SLIT3: variants seen among roughly 807,000 people sequenced by gnomAD.
SLIT3 encodes the protein slit homolog 3 protein.
Under a neutral mutation model 184.0 loss-of-function variants are expected in SLIT3, and 68 were observed. That is an observed-to-expected ratio of 0.37 (90% confidence interval 0.30 to 0.45). The LOEUF is 0.45. Among genes scored for constraint, SLIT3 ranks in the 20% least tolerant of loss-of-function variants. The probability of loss-of-function intolerance (pLI) is 1.00; values close to 1 mark genes in which losing one functional copy is unlikely to be tolerated. For synonymous variants in SLIT3, 831 were observed against 828.6 expected, an observed-to-expected ratio of 1.00 and a Z score of -0.05; for missense variants, 1,707 against 2,026.0, an observed-to-expected ratio of 0.84 and a Z score of 3.02.
chr5:169,062,165 C>T (rs1364938020), intron 4 of SLIT3, among the ~76,000 whole-genome samples: 1 of 152,054 alleles, frequency 6.6e-6, no homozygotes, highest in Non-Finnish European at 1.5e-5. Context: ...GCCTGGGCGA[C>T]AGAGCGAGAC....
At position 168,748,325 on chromosome 5, in the gene SLIT3, G is replaced by T; in HGVS notation, c.2247C>A (p.Gly749=). 6.7e-7 allele frequency: 1 copy of T among 1,483,858 alleles called. No homozygotes were observed. The highest frequency in any genetic ancestry group is 8.9e-7 in the Non-Finnish European group (1 of 1,121,470). 91.9% of individuals were successfully genotyped at this position (1,483,858 alleles called of 1,614,324 possible). A position where few individuals can be genotyped will look rare whatever the true frequency, so the allele number is the denominator to read the frequency against. ...SNKGLRALPR[G]MPKDVTELYL... ...ACAGCTCGGTCACATCCTTGGGCAT[G>T]CCTCTGGGGAGGGCGCGGAGCCCCT... Residue 749 remains glycine (G), a synonymous_variant, in exon 20 of 36, where the codon GGC becomes GGA. Coordinates refer to ENST00000519560, the MANE Select transcript of SLIT3 (RefSeq NM_003062.4).
chr5:169,201,936 C>T (rs956379642), intron 3 of SLIT3, among the ~76,000 whole-genome samples: 2 of 152,342 alleles, frequency 1.3e-5, no homozygotes, highest in South Asian at 2.1e-4. Context: ...CAAAACAGCA[C>T]AGATCTCTTT....
At chr5:168,777,133 A>G (rs1231890835) in intron 12 of SLIT3, among the ~76,000 whole-genome samples, 1 of 151,110 alleles carries the variant, frequency 6.6e-6, no homozygotes, top group Non-Finnish European at 1.5e-5. Context: ...CACCACATCA[A>G]ATTTCTATTT....
chr5:169,201,880 G>T (rs1480869376), intron 3 of SLIT3, among the ~76,000 whole-genome samples: 1 of 152,192 alleles, frequency 6.6e-6, no homozygotes, highest in African/African-American at 2.4e-5. Context: ...GGAACACTTG[G>T]ATATTTTGTT....
At position 169,300,581 on chromosome 5, in the gene SLIT3, G is replaced by A; in HGVS notation, c.129C>T (p.Ala43=). 6.6e-7 allele frequency: 1 copy of A among 1,514,136 alleles called. No homozygotes were observed. The highest frequency in any genetic ancestry group is 8.8e-7 in the Non-Finnish European group (1 of 1,135,152). The allele number at this position is 1,514,136 out of a possible 1,614,324, so 93.8% of individuals were successfully genotyped here. A position where few individuals can be genotyped will look rare whatever the true frequency, so the allele number is the denominator to read the frequency against. The change falls in exon 1 of 36, where the codon GCC becomes GCT. Residue 43 remains alanine, a synonymous_variant. Coordinates refer to ENST00000519560, the MANE Select transcript of SLIT3 (RefSeq NM_003062.4). This position sits in a 1 kb window ranked among gnomAD's most constrained non-coding sequence, Gnocchi z 4.1. ...ACPTKCTCSA[A]SVDCHGLGLR... ...GGCCCAGCCCGTGGCAGTCCACGCT[G>A]GCAGCGGAGCAGGTACACTTGGTGG...
chr5:168,738,746 G>A (rs1450669669), intron 20 of SLIT3, among the ~76,000 whole-genome samples: 2 of 152,104 alleles, frequency 1.3e-5, no homozygotes, highest in Non-Finnish European at 2.9e-5. Flanking sequence ...AGACCATCCT[G>A]GCTAATACGG....
chr5:168,780,205 T>C (rs1755921722), intron 12 of SLIT3, among the ~76,000 whole-genome samples: 2 of 152,266 alleles, frequency 1.3e-5, no homozygotes, highest in South Asian at 4.1e-4. Context: ...CTCCCACTTC[T>C]ATGGTATTTG....
At chr5:169,291,415 A>C (rs2113660737) in intron 1 of SLIT3, among the ~76,000 whole-genome samples, 1 of 152,280 alleles carries the variant, frequency 6.6e-6, no homozygotes, top group South Asian at 2.1e-4. Context: ...TAAGATTTGG[A>C]TTCTGTTCTA....
At chr5:168,945,536 C>T (rs1762448033) in intron 4 of SLIT3, among the ~76,000 whole-genome samples, 1 of 152,200 alleles carries the variant, frequency 6.6e-6, no homozygotes, top group East Asian at 1.9e-4. Context: ...ACGCCCGGCC[C>T]AGTATCCGGT....
At chr5:168,759,075 TC>T (rs1254919470) in intron 16 of SLIT3, among the ~76,000 whole-genome samples, 2 of 152,168 alleles carry the variant, frequency 1.3e-5, no homozygotes, top group African/African-American at 4.8e-5. Context: ...CCTCATGACA[TC>T]TCATTGTGTA....
At chr5:168,778,728 G>GATA (rs1755855320) in intron 12 of SLIT3, among the ~76,000 whole-genome samples, 1 of 152,200 alleles carries the variant, frequency 6.6e-6, no homozygotes, top group Non-Finnish European at 1.5e-5. Flanking sequence ...GTAGGACAGA[G>GATA]ATAACAGCAA....
chr5:168,795,455 A>G, intron 10 of SLIT3, 52 bp downstream of exon 10: 2 of 1,439,824 alleles, frequency 1.4e-6, no homozygotes, highest in Non-Finnish European at 2.0e-6. Flanking sequence ...CATTGCAAAC[A>G]ACCCTGGAAA....
chr5:168,977,670 T>C (rs893116284), intron 4 of SLIT3, among the ~76,000 whole-genome samples: 2 of 152,204 alleles, frequency 1.3e-5, no homozygotes, highest in African/African-American at 4.8e-5. Context: ...CTTCTGAAGA[T>C]GATCTGCAAG....
intron 4 of SLIT3, among the ~76,000 whole-genome samples, chr5:168,890,358 C>T (rs1412188228): frequency 6.6e-6 from 1 of 152,100 alleles, no homozygotes; most frequent in Non-Finnish European, 1.5e-5. Context: ...GGAATGCAGG[C>T]TTGTTTCATC....
chr5:169,015,959 CACACACACACACACACACACACACACAA>C (rs1236728840), intron 4 of SLIT3, among the ~76,000 whole-genome samples: 3 of 141,826 alleles, frequency 2.1e-5, no homozygotes, highest in Admixed American at 7.3e-5. Flanking sequence ...CACACACACA[CACACACACACACACACACACACACACAA>C]CTTTCTGTCT....
intron 8 of SLIT3, among the ~76,000 whole-genome samples, chr5:168,809,721 C>G (rs545021228): frequency 1.7e-4 from 26 of 152,314 alleles, no homozygotes; most frequent in South Asian, 8.3e-4. Context: ...AGCACGGACC[C>G]ATAAGCATAC....
intron 4 of SLIT3, among the ~76,000 whole-genome samples, chr5:168,984,879 C>G (rs1561589592): frequency 1.3e-5 from 2 of 152,164 alleles, no homozygotes; most frequent in East Asian, 1.9e-4. Context: ...ACCTCCCATT[C>G]TGAATCAGGA....
chr5:168,878,794 A>C (rs545774889), intron 5 of SLIT3, among the ~76,000 whole-genome samples: 9 of 150,230 alleles, frequency 6.0e-5, no homozygotes, highest in African/African-American at 2.2e-4. Context: ...GGCTCACCGC[A>C]ACCTCTGCCT....
chr5:168,820,004 A>C (rs554108640), intron 7 of SLIT3, among the ~76,000 whole-genome samples: 1 of 152,302 alleles, frequency 6.6e-6, no homozygotes, highest in Non-Finnish European at 1.5e-5. Flanking sequence ...AAATGCTAAA[A>C]GAGTCAAGCT....
Sources: gnomAD v4.1 joint callset for allele counts (sites outside exome capture counted in the v4.1 genomes callset) on GRCh38, gnomAD v4.1.1 for gene constraint, Gnocchi (gnomAD v3.1) non-coding constraint, MANE v1.5 for transcripts, NCBI Gene and HGNC (gene_info 2026-07-23, HGNC 2026-07-21) for gene names.